The following BABAM2 variants were observed in gnomAD, a reference collection of about 807,000 sequenced individuals.
The protein encoded by BABAM2 is BRISC and BRCA1 A complex member 2.
BABAM2 carries 31 observed loss-of-function variants against 54.7 expected under a neutral mutation model. The observed-to-expected ratio is 0.57, with a 90% CI of 0.43 to 0.77. The LOEUF (loss-of-function observed/expected upper bound fraction) is 0.77, where lower values mean the gene tolerates loss of function less well. BABAM2 is among the 30% of genes least tolerant of loss of function. The pLI, the probability that BABAM2 is intolerant of heterozygous loss-of-function variation, is 0.00. For missense variants in BABAM2, 364 were observed against 455.8 expected (o/e 0.80, Z 1.83); for synonymous variants, 167 against 162.9 (o/e 1.03, Z -0.19).
intron 6 of BABAM2, among the ~76,000 whole-genome samples, chr2:28,121,208 G>A (rs1340127536): frequency 1.3e-5 from 2 of 152,134 alleles, no homozygotes; most frequent in African/African-American, 4.8e-5. Flanking sequence ...CAGGGGACCC[G>A]TTTATTGCCC....
rs536440579 is a variant in BABAM2, at chr2:28,313,899, A to G, written c.1088+15408A>G. ...AGGCTGTCCACGGCATTAACTACTC[A>G]GCAGACTGAGTACAGTCCGAATTGC... is the stretch of plus-strand genomic sequence containing the variant. On this transcript the variant is annotated intron_variant, in intron 11 of 11. Transcript: ENST00000379624. Among the ~76,000 whole-genome samples the G allele has an allele frequency of 9.5e-4, 145 of 152,344 alleles. 1 individual carries two copies. The highest frequency in any genetic ancestry group is 3.3e-3 in the African/African-American group (138 of 41,578).
chr2:28,043,844 G>T (rs1244999685), intron 5 of BABAM2, among the ~76,000 whole-genome samples: 1 of 152,160 alleles, frequency 6.6e-6, no homozygotes, highest in African/African-American at 2.4e-5. Flanking sequence ...TGGCTCTTAA[G>T]TATTCTCCCA....
At chr2:28,205,463 A>G (rs1573838109) in intron 7 of BABAM2, among the ~76,000 whole-genome samples, 2 of 152,292 alleles carry the variant, frequency 1.3e-5, no homozygotes, top group East Asian at 3.9e-4. Context: ...AGATTGTGCC[A>G]CTGCGCTCCA....
At chr2:28,010,425 G>A (rs2148530414) in intron 4 of BABAM2, among the ~76,000 whole-genome samples, 1 of 152,084 alleles carries the variant, frequency 6.6e-6, no homozygotes, top group East Asian at 1.9e-4. Flanking sequence ...GATAAATGTA[G>A]GAAGCTACTC....
chr2:28,016,426 T>G, intron 4 of BABAM2: 1 of 1,404,580 alleles, frequency 7.1e-7, no homozygotes. Context: ...TTGGACCCCT[T>G]GATCTCGCCA....
At chr2:28,225,232 A>G (rs1680776617) in intron 7 of BABAM2, among the ~76,000 whole-genome samples, 1 of 152,334 alleles carries the variant, frequency 6.6e-6, no homozygotes, top group Non-Finnish European at 1.5e-5. Flanking sequence ...AGCAGCAGCT[A>G]GAGAAAGGGC....
chr2:27,900,071 G>A (rs1245426315), intron 2 of BABAM2, among the ~76,000 whole-genome samples: 2 of 152,224 alleles, frequency 1.3e-5, no homozygotes, highest in Non-Finnish European at 2.9e-5. Context: ...CAGAGTTAGG[G>A]AAAAGAATGG....
chr2:28,102,016 A>G (rs1667123923), intron 6 of BABAM2, among the ~76,000 whole-genome samples: 1 of 152,186 alleles, frequency 6.6e-6, no homozygotes, highest in South Asian at 2.1e-4. Context: ...TTGTAAATAA[A>G]CCATTGGAAA....
At chr2:28,262,061 C>G (rs1235151418) in intron 10 of BABAM2, among the ~76,000 whole-genome samples, 1 of 152,084 alleles carries the variant, frequency 6.6e-6, no homozygotes, top group Non-Finnish European at 1.5e-5. Context: ...GAAGCGTCAC[C>G]CAACACAGTA....
At chr2:28,332,051 A>G (rs1691003437) in intron 11 of BABAM2, among the ~76,000 whole-genome samples, 1 of 152,194 alleles carries the variant, frequency 6.6e-6, no homozygotes, top group Non-Finnish European at 1.5e-5. Context: ...ATCCTCAGCA[A>G]ACTAACACCG....
intron 7 of BABAM2, among the ~76,000 whole-genome samples, chr2:28,198,225 A>G (rs1460334948): frequency 4.0e-5 from 6 of 151,328 alleles, no homozygotes; most frequent in Admixed American, 1.3e-4. Flanking sequence ...GTGCAGTGGT[A>G]CAATCTCGGC....
chr2:28,201,407 T>A (rs950802510), intron 7 of BABAM2, among the ~76,000 whole-genome samples: 3 of 152,192 alleles, frequency 2.0e-5, no homozygotes, highest in African/African-American at 4.8e-5. Flanking sequence ...TTTATTTATA[T>A]TTCTTTTTTT....
chr2:28,242,727 A>T (rs771072273), intron 9 of BABAM2, among the ~76,000 whole-genome samples: 1 of 152,052 alleles, frequency 6.6e-6, no homozygotes, highest in Non-Finnish European at 1.5e-5. Context: ...AAAATTTCTG[A>T]CTCCTCAAAC....
chr2:28,169,216 G>C (rs1197059003), intron 7 of BABAM2, among the ~76,000 whole-genome samples: 1 of 151,950 alleles, frequency 6.6e-6, no homozygotes, highest in Non-Finnish European at 1.5e-5. Context: ...TTTAATTATT[G>C]TGAATGTCTT....
At chr2:28,107,615 T>G (rs1667640837) in intron 6 of BABAM2, among the ~76,000 whole-genome samples, 1 of 152,226 alleles carries the variant, frequency 6.6e-6, no homozygotes, top group Non-Finnish European at 1.5e-5. Flanking sequence ...ACTAGGACCA[T>G]TACCTCTTCC....
intron 7 of BABAM2, among the ~76,000 whole-genome samples, chr2:28,138,073 G>A (rs1228720823): frequency 1.3e-5 from 2 of 152,016 alleles, no homozygotes; most frequent in Non-Finnish European, 2.9e-5. Flanking sequence ...TTTTCACACC[G>A]ATCATTACTG....
At chr2:28,006,108 C>A (rs778403221) in intron 4 of BABAM2, among the ~76,000 whole-genome samples, 8 of 151,516 alleles carry the variant, frequency 5.3e-5, no homozygotes, top group Non-Finnish European at 1.0e-4. Context: ...TTTTTTTCCC[C>A]TTTTTTGCAA....
chr2:27,948,895 C>A (rs370529525), intron 3 of BABAM2, among the ~76,000 whole-genome samples: 3 of 152,162 alleles, frequency 2.0e-5, no homozygotes, highest in Admixed American at 6.5e-5. Flanking sequence ...TTCAGAGATG[C>A]CCTTTATCAG....
chr2:27,992,202 G>C (rs1213508543), intron 4 of BABAM2, among the ~76,000 whole-genome samples: 1 of 152,072 alleles, frequency 6.6e-6, no homozygotes, highest in Admixed American at 6.6e-5. Flanking sequence ...TGTCTATTCA[G>C]ATCCTTTGCC....
Sources: gnomAD v4.1 joint callset for allele counts (sites outside exome capture counted in the v4.1 genomes callset) on GRCh38, gnomAD v4.1.1 for gene constraint, MANE v1.5 for transcripts, NCBI Gene and HGNC (gene_info 2026-07-23, HGNC 2026-07-21) for gene names.